The following SRGAP3 variants were observed in gnomAD, a reference collection of about 807,000 sequenced individuals.
SRGAP3 encodes SLIT-ROBO Rho GTPase activating protein 3.
A neutral mutation model predicts 121.1 loss-of-function variants in SRGAP3; 39 were observed. The observed-to-expected ratio is 0.32, with a 90% confidence interval of 0.25 to 0.42. The LOEUF (loss-of-function observed/expected upper bound fraction) is 0.42. Ranked by LOEUF, SRGAP3 falls within the 10% of genes least tolerant of loss-of-function variation. The pLI, the probability that SRGAP3 is intolerant of heterozygous loss-of-function variation, is 1.00. For missense variants in SRGAP3, 1,213 were observed against 1,470.6 expected (o/e 0.82, Z 2.86); for synonymous variants, 601 against 570.0 (o/e 1.05, Z -0.77).
intron 1 of SRGAP3, among the ~76,000 whole-genome samples, chr3:9,130,435 C>CACACAGTTATATCAACATAGTTAT: frequency 6.6e-6 from 1 of 152,324 alleles, no homozygotes; most frequent in Non-Finnish European, 1.5e-5. Flanking sequence ...AACACACAGT[C>CACACAGTTATATCAACATAGTTAT]ATAAAAATAT....
Position 9,231,847 on chromosome 3 carries a change from G to A in SRGAP3, c.67+17038C>T, listed in dbSNP as rs28729652. ...CTCACAGCAACCACCCTTTAAGGTTGATAATGCCCTCATTTCACAGATGAG... is the reference window on the plus strand; with the variant it reads ...CTCACAGCAACCACCCTTTAAGGTTAATAATGCCCTCATTTCACAGATGAG... On this transcript the variant is annotated intron_variant, in intron 1 of 21. Coordinates refer to ENST00000383836, the MANE Select transcript of SRGAP3 (RefSeq NM_014850.4). 1.0e-2 allele frequency among the ~76,000 whole-genome samples: 1,518 copies of A among 152,274 alleles called. 22 individuals carry two copies. The highest frequency in any genetic ancestry group is 0.035 in the African/African-American group (1,446 of 41,554).
intron 21 of SRGAP3, among the ~76,000 whole-genome samples, chr3:8,987,900 C>A (rs939475002): frequency 6.6e-6 from 1 of 152,172 alleles, no homozygotes; most frequent in African/African-American, 2.4e-5. Context: ...AACCACTCCG[C>A]TTGAAGGAAG....
At chr3:9,332,177 G>A (rs1955620199) in intron 1 of SRGAP3, among the ~76,000 whole-genome samples, 1 of 152,160 alleles carries the variant, frequency 6.6e-6, no homozygotes, top group African/African-American at 2.4e-5. Flanking sequence ...CTGGAGTGCA[G>A]TGGTGCCATC....
Position 9,185,653 on chromosome 3 carries a change from C to T in SRGAP3, c.68-60736G>A, listed in dbSNP as rs967321848. 2.6e-5 allele frequency among the ~76,000 whole-genome samples: 4 copies of T among 152,050 alleles called. No individual in the cohort carries two copies. The South Asian group carries it at 8.3e-4, about 32-fold the overall frequency. On this transcript the variant is annotated intron_variant, in intron 1 of 21. Coordinates refer to ENST00000383836, the MANE Select transcript of SRGAP3 (RefSeq NM_014850.4). ...CTCAATCAATCCTCCTTCTTCAGCT[C>T]CCTAAGTAGCTGGGACTATAGGCGT...
intron 3 of SRGAP3, among the ~76,000 whole-genome samples, chr3:9,301,825 C>T (rs78762857): frequency 0.025 from 3,735 of 152,290 alleles, 139 homozygotes; most frequent in African/African-American, 0.084. Flanking sequence ...AATAATAGTA[C>T]CTACTTCACA....
intron 18 of SRGAP3, among the ~76,000 whole-genome samples, chr3:8,997,913 C>T (rs999044193): frequency 1.3e-5 from 2 of 151,252 alleles, no homozygotes; most frequent in African/African-American, 4.9e-5. Context: ...CAGGGTCTCA[C>T]TCTGTCACCC....
At chr3:9,121,810 C>T (rs1949015139) in intron 2 of SRGAP3, among the ~76,000 whole-genome samples, 1 of 152,220 alleles carries the variant, frequency 6.6e-6, no homozygotes, top group Admixed American at 6.5e-5. Flanking sequence ...AGGAGAGATG[C>T]TCCAGCCCTA....
At chr3:9,005,980 C>A (rs949505170) in intron 18 of SRGAP3, among the ~76,000 whole-genome samples, 1 of 152,152 alleles carries the variant, frequency 6.6e-6, no homozygotes, top group African/African-American at 2.4e-5. Flanking sequence ...CAGGGTCCTT[C>A]GTAGGTATAA....
At chr3:9,027,180 T>C (rs896265793) in intron 12 of SRGAP3, among the ~76,000 whole-genome samples, 185 bp from the exon 13 acceptor site, 1 of 152,200 alleles carries the variant, frequency 6.6e-6, no homozygotes, top group Admixed American at 6.5e-5. Flanking sequence ...TTCAACTGTA[T>C]GCACAAAAAG....
chr3:9,159,371 C>T (rs529173670), intron 1 of SRGAP3, among the ~76,000 whole-genome samples: 3 of 152,178 alleles, frequency 2.0e-5, no homozygotes, highest in Admixed American at 6.5e-5. Context: ...CCGGCCAGCT[C>T]GCCTGGCCTC....
chr3:9,317,137 T>C (rs1955361727), intron 3 of SRGAP3, among the ~76,000 whole-genome samples: 1 of 152,180 alleles, frequency 6.6e-6, no homozygotes, highest in Non-Finnish European at 1.5e-5. Flanking sequence ...TCCGAGAGCC[T>C]GGGGAGCACT....
At chr3:9,231,718 G>A (rs1953217273) in intron 1 of SRGAP3, among the ~76,000 whole-genome samples, 1 of 152,154 alleles carries the variant, frequency 6.6e-6, no homozygotes, top group South Asian at 2.1e-4. Context: ...CAACCCCACT[G>A]TAATAGCAGC....
chr3:9,023,990 T>C (rs1288735347), intron 14 of SRGAP3, among the ~76,000 whole-genome samples: 1 of 152,142 alleles, frequency 6.6e-6, no homozygotes, highest in Non-Finnish European at 1.5e-5. Context: ...CACCGCAGGA[T>C]GGAATGGAGA....
rs145215906 is a variant in SRGAP3, at chr3:8,984,702, G to A, written c.*817C>T. On this transcript the variant is annotated 3_prime_UTR_variant, in exon 22 of 22. Transcript: ENST00000383836. ...GGAGTACAGTTGGCCTTTGGCCTCCGGGTGGAAGGGCAGGGTCTCTGGGGT... is the reference window on the plus strand; with the variant it reads ...GGAGTACAGTTGGCCTTTGGCCTCCAGGTGGAAGGGCAGGGTCTCTGGGGT... 1,095 of 232,550 alleles carry A rather than the reference G, an allele frequency of 4.7e-3. 17 individuals carry two copies. Among genetic ancestry groups the A allele is most frequent in the African/African-American group, 0.023 (1,024 of 45,340 alleles). The allele number at this position is 232,550 out of a possible 1,614,324, so 14.4% of individuals were successfully genotyped here.
At chr3:9,029,290 C>T (rs1944362606) in intron 12 of SRGAP3, among the ~76,000 whole-genome samples, 1 of 152,180 alleles carries the variant, frequency 6.6e-6, no homozygotes, top group African/African-American at 2.4e-5. Flanking sequence ...AGGTAATTGT[C>T]ATGCTTATTT....
intron 1 of SRGAP3, among the ~76,000 whole-genome samples, chr3:9,159,001 A>G (rs1307392347): frequency 1.3e-5 from 2 of 152,072 alleles, no homozygotes; most frequent in Non-Finnish European, 2.9e-5. Flanking sequence ...CGCTGCTCAC[A>G]TGCCTGAGAT....
chr3:9,125,898 G>A (rs1949205923), intron 1 of SRGAP3, among the ~76,000 whole-genome samples: 1 of 152,122 alleles, frequency 6.6e-6, no homozygotes, highest in African/African-American at 2.4e-5. Flanking sequence ...CATCCACCAA[G>A]CAGTCCCAAA....
At position 8,998,144 on chromosome 3, in the gene SRGAP3, C is replaced by T. The variant is rs533391154; in HGVS notation, c.2228-3621G>A. On this transcript the variant is annotated intron_variant, in intron 18 of 21. Transcript: ENST00000383836. Reference sequence around the variant, plus strand: ...ACTCGAGTGATCCTCCTGCCTTGGCCTCCCAAAGTGCTGGGATTACAGGCG... The same window carrying T: ...ACTCGAGTGATCCTCCTGCCTTGGCTTCCCAAAGTGCTGGGATTACAGGCG... Among the ~76,000 whole-genome samples the T allele has an allele frequency of 2.6e-5, 4 of 152,334 alleles. No homozygotes were observed. The East Asian group carries it at 7.7e-4, about 29-fold the overall frequency.
At chr3:9,289,462 G>C (rs1261922096) in intron 3 of SRGAP3, among the ~76,000 whole-genome samples, 1 of 152,136 alleles carries the variant, frequency 6.6e-6, no homozygotes, top group Non-Finnish European at 1.5e-5. Context: ...TATGGGATAT[G>C]CATTTGTTTC....
Sources: gnomAD v4.1 joint callset for allele counts (sites outside exome capture counted in the v4.1 genomes callset) on GRCh38, gnomAD v4.1.1 for gene constraint, MANE v1.5 for transcripts, NCBI Gene and HGNC (gene_info 2026-07-23, HGNC 2026-07-21) for gene names.